Variants in ACO2 observed in about 807,000 individuals in gnomAD.
ACO2 encodes the protein aconitase 2.
ACO2 carries 31 observed loss-of-function variants against 84.5 expected under a neutral mutation model. That is an observed-to-expected ratio of 0.37 (90% confidence interval 0.28 to 0.50). The LOEUF (loss-of-function observed/expected upper bound fraction) is 0.50, where lower values mean the gene tolerates loss of function less well. Ranked by LOEUF, ACO2 falls within the 20% of genes least tolerant of loss-of-function variation. ACO2 has a pLI of 0.97. For synonymous variants in ACO2, 414 were observed against 412.7 expected, an observed-to-expected ratio of 1.00 and a Z score of -0.04; for missense variants, 685 against 1,029.3, an observed-to-expected ratio of 0.67 and a Z score of 4.58.
At chr22:41,504,711 C>A (rs7289322) in intron 2 of ACO2, among the ~76,000 whole-genome samples, 2,461 of 48,540 alleles carry the variant, frequency 0.051, 468 homozygotes, top group African/African-American at 0.17. Flanking sequence ...ACCTTAGGGA[C>A]TTTTTTTTTT....
At chr22:41,485,589 C>T (rs1454844390) in intron 1 of ACO2, among the ~76,000 whole-genome samples, 1 of 151,888 alleles carries the variant, frequency 6.6e-6, no homozygotes, top group Non-Finnish European at 1.5e-5. Flanking sequence ...TACAGGCGCC[C>T]ACCACCACGC....
intron 2 of ACO2, among the ~76,000 whole-genome samples, chr22:41,501,456 G>A (rs779522078): frequency 6.6e-6 from 1 of 152,194 alleles, no homozygotes; most frequent in African/African-American, 2.4e-5. Context: ...ATGAGGAGTC[G>A]GGGCTGGCAA....
intron 1 of ACO2, among the ~76,000 whole-genome samples, chr22:41,487,749 C>T (rs1275445393): frequency 6.6e-6 from 1 of 152,038 alleles, no homozygotes; most frequent in African/African-American, 2.4e-5. Context: ...TGAGAATCCA[C>T]CTGCCTGCTT....
intron 1 of ACO2, among the ~76,000 whole-genome samples, chr22:41,498,477 T>C (rs1223687311): frequency 6.6e-6 from 1 of 152,230 alleles, no homozygotes; most frequent in Admixed American, 6.5e-5. Flanking sequence ...TGGTTCTGGC[T>C]TGGGGCCTCT....
intron 2 of ACO2, among the ~76,000 whole-genome samples, chr22:41,507,039 A>G (rs2066398667): frequency 6.6e-6 from 1 of 151,438 alleles, no homozygotes; most frequent in Admixed American, 6.6e-5. Context: ...GCCGGACCCC[A>G]GGGCAGGTTT....
At chr22:41,501,814 G>A (rs1269879835) in intron 2 of ACO2, among the ~76,000 whole-genome samples, 2 of 152,054 alleles carry the variant, frequency 1.3e-5, no homozygotes, top group South Asian at 2.1e-4. Flanking sequence ...TCCCCACTTC[G>A]GTTTTAAGGG....
At chr22:41,527,224 G>A (rs2066618971) in intron 15 of ACO2, 64 bp from the exon 16 acceptor site, 5 of 1,612,246 alleles carry the variant, frequency 3.1e-6, no homozygotes, top group African/African-American at 1.3e-5. Context: ...CAGGCAGGTA[G>A]GGCCAGACAG....
At position 41,523,831 on chromosome 22, in the gene ACO2, A is replaced by G; in HGVS notation, c.1372A>G (p.Lys458Glu). The G allele has an allele frequency of 6.2e-7, 1 of 1,611,850 alleles. No homozygotes were observed. Among genetic ancestry groups the G allele is most frequent in the Non-Finnish European group, 8.5e-7 (1 of 1,179,776 alleles). ...ACCCTGATCCCTCTGACCTGGCAGGAAGGACATCAAGAAGGGGGAGAAGAA... is the reference window on the plus strand; with the variant it reads ...ACCCTGATCCCTCTGACCTGGCAGGGAGGACATCAAGAAGGGGGAGAAGAA... ...CGPCIGQWDR[K>E]DIKKGEKNTI... Residue 458 changes from lysine (K) to glutamate (E), a missense_variant and splice_region_variant, in exon 12 of 18, where the codon AAG becomes GAG. Lys to Glu is a moderately conservative substitution (Grantham distance 56). Around this residue, in one of 5 missense-constraint regions of ACO2, gnomAD observed 311 missense variants for 441.6 expected, o/e 0.70. Transcript: ENST00000216254.
chr22:41,479,080 G>T (rs2038056173), intron 1 of ACO2, among the ~76,000 whole-genome samples: 1 of 152,178 alleles, frequency 6.6e-6, no homozygotes, highest in Non-Finnish European at 1.5e-5. Context: ...CCTGTCTGTG[G>T]AAGAGCTTTT....
At chr22:41,472,051 T>C (rs145293308) in intron 1 of ACO2, among the ~76,000 whole-genome samples, 15 of 152,292 alleles carry the variant, frequency 9.8e-5, no homozygotes, top group African/African-American at 3.6e-4. Context: ...ATAAGGGCTA[T>C]ATAATTGCTA....
At chr22:41,524,739 G>A (rs1353737112) in intron 12 of ACO2, 107 bp from the exon 13 acceptor site, 17 of 1,549,590 alleles carry the variant, frequency 1.1e-5, no homozygotes, top group East Asian at 9.0e-5. Flanking sequence ...GGAAGAACAT[G>A]GAAATTTCCT....
intron 1 of ACO2, among the ~76,000 whole-genome samples, chr22:41,476,233 C>T (rs891165104): frequency 6.6e-6 from 1 of 151,370 alleles, no homozygotes. Flanking sequence ...CATGGTGAAA[C>T]CCCGTCTGTA....
chr22:41,528,252 G>A (rs2066645437), intron 17 of ACO2: 5 of 828,492 alleles, frequency 6.0e-6, no homozygotes, highest in Middle Eastern at 3.6e-4. Context: ...ACCAGGACCT[G>A]GCACTCAGGG....
At chr22:41,493,254 A>G (rs992124863) in intron 1 of ACO2, among the ~76,000 whole-genome samples, 2 of 152,184 alleles carry the variant, frequency 1.3e-5, no homozygotes, top group African/African-American at 4.8e-5. Context: ...TTGCCAACAC[A>G]TAAACTTTGG....
At chr22:41,489,310 C>G (rs184478887) in intron 1 of ACO2, among the ~76,000 whole-genome samples, 1 of 152,300 alleles carries the variant, frequency 6.6e-6, no homozygotes, top group Non-Finnish European at 1.5e-5. Context: ...TCCCAAAGTG[C>G]TGGGATTACA....
chr22:41,497,468 T>G (rs2066322744), intron 1 of ACO2, among the ~76,000 whole-genome samples: 1 of 152,176 alleles, frequency 6.6e-6, no homozygotes, highest in Non-Finnish European at 1.5e-5. Flanking sequence ...ACAGGCCCGG[T>G]ACAGCGGCTC....
chr22:41,469,829 T>C (rs531886777), intron 1 of ACO2, among the ~76,000 whole-genome samples: 61 of 62,164 alleles, frequency 9.8e-4, no homozygotes, highest in South Asian at 4.8e-3. Context: ...ATGAGGTGGT[T>C]TTTCTCATTT....
intron 17 of ACO2, 62 bp from the exon 18 acceptor site, chr22:41,528,417 C>T: frequency 6.3e-7 from 1 of 1,585,362 alleles, no homozygotes; most frequent in South Asian, 1.1e-5. Flanking sequence ...CCCTGACCCC[C>T]CTGCGGGGCC....
intron 8 of ACO2, 131 bp downstream of exon 8, chr22:41,518,703 G>A (rs1196129595): frequency 4.2e-5 from 30 of 715,624 alleles, no homozygotes; most frequent in Non-Finnish European, 7.3e-5. Flanking sequence ...GGAGGCCAAG[G>A]CAGGTGGGTC....
Sources: allele counts gnomAD v4.1 joint callset (sites outside exome capture counted in the v4.1 genomes callset), GRCh38; gene constraint gnomAD v4.1.1; regional missense constraint gnomAD v4.1.1; transcripts MANE v1.5; gene names NCBI Gene and HGNC (gene_info 2026-07-23, HGNC 2026-07-21).